Variants in LONRF1 observed in about 807,000 individuals in gnomAD.
LONRF1 encodes LON peptidase N-terminal domain and ring finger 1, also known as LON peptidase N-terminal domain and RING finger protein 1.
Under a neutral mutation model 85.8 loss-of-function variants are expected in LONRF1, and 37 were observed. The observed-to-expected ratio is 0.43, with a 90% CI of 0.33 to 0.57. LONRF1 has a LOEUF of 0.57. Ranked by LOEUF, LONRF1 falls within the 20% of genes least tolerant of loss-of-function variation. The pLI, the probability that LONRF1 is intolerant of heterozygous loss-of-function variation, is 0.04. For synonymous variants in LONRF1, 517 were observed against 390.1 expected (o/e 1.33, Z -3.83); for missense variants, 1,036 against 978.0 (o/e 1.06, Z -0.79).
chr8:12,738,594 T>C (rs1489147283), intron 3 of LONRF1: 1 of 152,418 alleles, frequency 6.6e-6, no homozygotes, highest in Non-Finnish European at 1.5e-5. Context: ...CAAAATTCCC[T>C]GTACTTACAC....
At chr8:12,740,754 G>A in intron 3 of LONRF1, 120 bp downstream of exon 3, 1 of 1,244,682 alleles carries the variant, frequency 8.0e-7, no homozygotes, top group Non-Finnish European at 1.1e-6. Context: ...TATCACATTT[G>A]TTCCTAAGTT....
chr8:12,755,314 TG>T lies in LONRF1; in HGVS notation c.106del (p.His36IlefsTer29). 1 of 1,247,082 alleles carries T rather than the reference TG, an allele frequency of 8.0e-7. No individual in the cohort carries two copies. Among genetic ancestry groups the T allele is most frequent in the Non-Finnish European group, 1.0e-6 (1 of 992,456 alleles). 77.3% of individuals were successfully genotyped at this position (1,247,082 alleles called of 1,614,324 possible). On this transcript the variant is annotated frameshift_variant, in exon 1 of 12. Transcript: ENST00000398246. LOFTEE classifies it high-confidence loss of function. ...RFWEVGGGSG[H>X]RLERAAAESE... The stretch of plus-strand genomic sequence containing the variant: ...CTCCGCGGCCGCGCGCTCCAGCCGA[TG>T]GCCGCTGCCGCCGCCCACTTCCCAG...
intron 3 of LONRF1, among the ~76,000 whole-genome samples, chr8:12,739,383 A>G (rs1798843318): frequency 6.6e-6 from 1 of 151,322 alleles, no homozygotes; most frequent in South Asian, 2.1e-4. Context: ...AAAACAGTAT[A>G]TATTGTATGA....
chr8:12,755,436 G>T lies in LONRF1; in HGVS notation c.-16C>A, dbSNP rs1391617957. ...GAGAGGACATGGCCCGCGGAGGGCT[G>T]CGCCGCCGCCGCCCGCCGCCACGGT... On this transcript the variant is annotated 5_prime_UTR_variant, in exon 1 of 12. Transcript: ENST00000398246. 8.4e-5 allele frequency: 94 copies of T among 1,122,990 alleles called. No homozygotes were observed. The Admixed American group carries it at 2.5e-3, about 30-fold the overall frequency. The allele number at this position is 1,122,990 out of a possible 1,614,324, so 69.6% of individuals were successfully genotyped here.
intron 1 of LONRF1, among the ~76,000 whole-genome samples, chr8:12,743,823 T>C (rs1157530318): frequency 6.7e-6 from 1 of 149,962 alleles, no homozygotes; most frequent in African/African-American, 2.5e-5. Flanking sequence ...TTTTAAGAGA[T>C]CGAATTTTAA....
chr8:12,736,132 G>A (rs1798706533), intron 6 of LONRF1, among the ~76,000 whole-genome samples: 2 of 152,078 alleles, frequency 1.3e-5, no homozygotes, highest in Admixed American at 6.5e-5. Context: ...CCAGCCTAGT[G>A]TGACCAGCAC....
rs1194629801 is a variant in LONRF1, at chr8:12,755,206, G to C, written c.215C>G (p.Ala72Gly). 2.3e-6 allele frequency: 3 copies of C among 1,280,556 alleles called. No individual in the cohort carries two copies. Among genetic ancestry groups the C allele is most frequent in the Non-Finnish European group, 2.0e-6 (2 of 1,020,052 alleles). 79.3% of individuals were successfully genotyped at this position (1,280,556 alleles called of 1,614,324 possible). The change falls in exon 1 of 12, where the codon GCG becomes GGG. Residue 72 changes from alanine to glycine, a missense_variant. Around this residue, in one of 3 missense-constraint regions of LONRF1, gnomAD observed 742 missense variants for 614.4 expected, o/e 1.21. Transcript: ENST00000398246. ...GHLKGALEAF[A>G]AALRRGAPAR... Reference sequence around the variant, plus strand: ...CGGGGCCCCGCGGCGCAGCGCCGCCGCGAACGCCTCCAGCGCGCCCTTCAG... The same window carrying C: ...CGGGGCCCCGCGGCGCAGCGCCGCCCCGAACGCCTCCAGCGCGCCCTTCAG...
At chr8:12,730,083 T>C (rs892457314) in intron 8 of LONRF1, among the ~76,000 whole-genome samples, 6 of 152,216 alleles carry the variant, frequency 3.9e-5, no homozygotes, top group Non-Finnish European at 7.3e-5. Context: ...GCAAGTGCTA[T>C]ATGAATGTTC....
intron 4 of LONRF1, 35 bp downstream of exon 4, chr8:12,737,960 C>T (rs766820280): frequency 2.9e-5 from 46 of 1,577,896 alleles, no homozygotes; most frequent in East Asian, 1.4e-4. Flanking sequence ...GAAATGGATA[C>T]GCTAAACTCA....
At chr8:12,751,985 G>T (rs182199501) in intron 1 of LONRF1, among the ~76,000 whole-genome samples, 42 of 152,268 alleles carry the variant, frequency 2.8e-4, no homozygotes, top group African/African-American at 1.0e-3. Flanking sequence ...CAATTCAACA[G>T]AAACTTATGT....
At chr8:12,726,247 A>G (rs1798297068) in intron 10 of LONRF1, among the ~76,000 whole-genome samples, 1 of 152,224 alleles carries the variant, frequency 6.6e-6, no homozygotes, top group Non-Finnish European at 1.5e-5. Flanking sequence ...CAGTGGAACA[A>G]AAAAGTGGAT....
At chr8:12,746,741 G>C (rs925438599) in intron 1 of LONRF1, among the ~76,000 whole-genome samples, 1 of 152,158 alleles carries the variant, frequency 6.6e-6, no homozygotes, top group Admixed American at 6.5e-5. Context: ...AAACAGTGAA[G>C]AGTATATGCA....
chr8:12,752,604 A>G (rs1480620358), intron 1 of LONRF1, among the ~76,000 whole-genome samples: 1 of 152,226 alleles, frequency 6.6e-6, no homozygotes, highest in African/African-American at 2.4e-5. Flanking sequence ...TGTGCAATCT[A>G]TGCAACTTGA....
intron 6 of LONRF1, among the ~76,000 whole-genome samples, chr8:12,736,122 C>G (rs1309775691): frequency 6.6e-6 from 1 of 152,108 alleles, no homozygotes; most frequent in Admixed American, 6.5e-5. Flanking sequence ...GTAACTGCTA[C>G]CAGCCTAGTG....
intron 3 of LONRF1, 68 bp downstream of exon 3, chr8:12,740,806 G>C: frequency 6.6e-7 from 1 of 1,520,562 alleles, no homozygotes; most frequent in African/African-American, 1.4e-5. Context: ...ACTTTTATTA[G>C]CTTTTTTTTT....
intron 1 of LONRF1, chr8:12,754,456 G>A (rs2128791867): frequency 2.7e-6 from 1 of 364,346 alleles, no homozygotes; most frequent in East Asian, 4.7e-5. Context: ...GGAACCCCGC[G>A]CCGAGCGCCC....
At chr8:12,745,267 T>C (rs543752959) in intron 1 of LONRF1, among the ~76,000 whole-genome samples, 36 of 151,396 alleles carry the variant, frequency 2.4e-4, no homozygotes, top group Non-Finnish European at 4.7e-4. Flanking sequence ...ACTCCTTGTA[T>C]GTAATGCTCT....
At chr8:12,746,091 C>G (rs575225295) in intron 1 of LONRF1, among the ~76,000 whole-genome samples, 4 of 152,240 alleles carry the variant, frequency 2.6e-5, no homozygotes. Context: ...GTAAATGTCA[C>G]CTCCTATGAT....
chr8:12,754,414 AGC>A, intron 1 of LONRF1: 2 of 270,750 alleles, frequency 7.4e-6, no homozygotes, highest in Non-Finnish European at 1.4e-5. Flanking sequence ...CCGCGCCGGG[AGC>A]GCGCGCCCGA....
Sources: allele counts gnomAD v4.1 joint callset (sites outside exome capture counted in the v4.1 genomes callset), GRCh38; gene constraint gnomAD v4.1.1; regional missense constraint gnomAD v4.1.1; transcripts MANE v1.5; gene names NCBI Gene and HGNC (gene_info 2026-07-23, HGNC 2026-07-21).